NCOA7: variants seen among roughly 807,000 people sequenced by gnomAD.
NCOA7 encodes the protein nuclear receptor coactivator 7, also known as 140 kDa estrogen receptor-associated protein.
Under a neutral mutation model 104.3 loss-of-function variants are expected in NCOA7, and 45 were observed. That is an observed-to-expected ratio of 0.43 (90% CI 0.34 to 0.55). NCOA7 has a LOEUF of 0.55. Ranked by LOEUF, NCOA7 falls within the 20% of genes least tolerant of loss-of-function variation. The probability of loss-of-function intolerance (pLI) is 0.02; values close to 1 mark genes in which losing one functional copy is unlikely to be tolerated. For synonymous variants in NCOA7, 398 were observed against 402.3 expected (o/e 0.99, Z 0.13); for missense variants, 1,041 against 1,119.7 (o/e 0.93, Z 1.00).
Position 125,901,541 on chromosome 6 carries a change from C to G in NCOA7, c.2096+10731C>G, listed in dbSNP as rs181619140. 7.0e-4 allele frequency among the ~76,000 whole-genome samples: 107 copies of G among 152,310 alleles called. No homozygotes were observed. The East Asian group carries it at 0.014, about 20-fold the overall frequency. On this transcript the variant is annotated intron_variant, in intron 10 of 15. Transcript: ENST00000392477. The stretch of plus-strand genomic sequence containing the variant: ...GCACGCAGGTGAGTGGGTACAGGAG[C>G]TGGGGCGGGTGCCTTTGGGCACCAG...
chr6:125,801,981 T>A (rs972152332), intron 1 of NCOA7, among the ~76,000 whole-genome samples: 2 of 152,318 alleles, frequency 1.3e-5, no homozygotes, highest in African/African-American at 4.8e-5. Flanking sequence ...ATGCACAATG[T>A]CTTGTCAAAT....
chr6:125,882,629 G>T, intron 7 of NCOA7, 78 bp downstream of exon 7: 1 of 1,524,344 alleles, frequency 6.6e-7, no homozygotes, highest in Middle Eastern at 2.2e-4. Context: ...CTGGAACAGA[G>T]GCTACATTAA....
Position 125,881,089 on chromosome 6 carries a change from G to A in NCOA7, c.460-1G>A. 6.2e-7 allele frequency: 1 copy of A among 1,608,582 alleles called. No individual in the cohort carries two copies. The highest frequency in any genetic ancestry group is 8.5e-7 in the Non-Finnish European group (1 of 1,175,164). On this transcript the variant is annotated splice_acceptor_variant, in intron 5 of 15. Coordinates refer to ENST00000392477, the MANE Select transcript of NCOA7 (RefSeq NM_181782.5). LOFTEE classifies it high-confidence loss of function. The stretch of plus-strand genomic sequence containing the variant: ...ACCCATCTGTTCTCTCCCATTCTCA[G>A]GTCCTTTTTGTGCCAGATGCCAACT...
intron 3 of NCOA7, among the ~76,000 whole-genome samples, chr6:125,867,099 T>C (rs9942482): frequency 0.052 from 7,863 of 152,304 alleles, 580 homozygotes; most frequent in African/African-American, 0.16. Flanking sequence ...TGTCTTGTTA[T>C]ATTTATTCCT....
At chr6:125,802,796 T>C (rs1776026697) in intron 1 of NCOA7, among the ~76,000 whole-genome samples, 1 of 152,232 alleles carries the variant, frequency 6.6e-6, no homozygotes, top group African/African-American at 2.4e-5. Context: ...ACGTATACCA[T>C]AGACTTGATT....
intron 1 of NCOA7, among the ~76,000 whole-genome samples, chr6:125,814,975 A>T (rs1777447885): frequency 6.6e-6 from 1 of 152,220 alleles, no homozygotes. Flanking sequence ...AATAATTAGC[A>T]TCTACATAGT....
At chr6:125,877,540 C>T (rs1293490133) in intron 4 of NCOA7, among the ~76,000 whole-genome samples, 1 of 152,148 alleles carries the variant, frequency 6.6e-6, no homozygotes, top group African/African-American at 2.4e-5. Context: ...CTGGGTAGAG[C>T]TGTTTTCCTG....
At chr6:125,835,741 A>T (rs983030600) in intron 2 of NCOA7, among the ~76,000 whole-genome samples, 5 of 152,192 alleles carry the variant, frequency 3.3e-5, no homozygotes, top group Admixed American at 6.5e-5. Context: ...GCCCACATAA[A>T]GATGTCCTTC....
chr6:125,867,960 G>T (rs1782577478), intron 3 of NCOA7, among the ~76,000 whole-genome samples: 1 of 152,188 alleles, frequency 6.6e-6, no homozygotes, highest in East Asian at 1.9e-4. Context: ...AGACCTGGAA[G>T]TGACATCGTG....
intron 2 of NCOA7, among the ~76,000 whole-genome samples, chr6:125,819,874 T>C (rs1778004877): frequency 6.6e-6 from 1 of 152,220 alleles, no homozygotes; most frequent in African/African-American, 2.4e-5. Flanking sequence ...TTGAAGATTC[T>C]TTGAAAGCAT....
chr6:125,914,371 G>A (rs1219190527), intron 10 of NCOA7, among the ~76,000 whole-genome samples: 6 of 152,120 alleles, frequency 3.9e-5, no homozygotes, highest in Non-Finnish European at 8.8e-5. Context: ...CTGTATAAAC[G>A]ATGTACACTT....
chr6:125,827,068 A>C (rs1358720132), intron 2 of NCOA7, among the ~76,000 whole-genome samples: 1 of 151,848 alleles, frequency 6.6e-6, no homozygotes, highest in Non-Finnish European at 1.5e-5. Flanking sequence ...GTAGTGGCGC[A>C]CACCTGTAAT....
At chr6:125,832,416 T>C (rs1015378628) in intron 2 of NCOA7, among the ~76,000 whole-genome samples, 1 of 152,256 alleles carries the variant, frequency 6.6e-6, no homozygotes, top group Non-Finnish European at 1.5e-5. Flanking sequence ...CTTTACTCTC[T>C]TTTAACTACT....
intron 10 of NCOA7, among the ~76,000 whole-genome samples, chr6:125,892,991 A>C (rs896000617): frequency 6.6e-6 from 1 of 152,200 alleles, no homozygotes; most frequent in Non-Finnish European, 1.5e-5. Context: ...AAGCAGTCCC[A>C]TGGTTAATTC....
chr6:125,792,484 G>A (rs552583195), intron 1 of NCOA7, among the ~76,000 whole-genome samples: 27 of 152,238 alleles, frequency 1.8e-4, no homozygotes, highest in Admixed American at 7.2e-4. Flanking sequence ...TGTAAGTTAC[G>A]CCAGAGGAAA....
intron 1 of NCOA7, among the ~76,000 whole-genome samples, chr6:125,808,779 G>A (rs548114357): frequency 2.6e-4 from 39 of 152,298 alleles, no homozygotes; most frequent in Middle Eastern, 6.8e-3. Context: ...AATCTCATTT[G>A]CATGTTCTTT....
chr6:125,869,904 T>G (rs1415428264), intron 3 of NCOA7, among the ~76,000 whole-genome samples: 1 of 152,220 alleles, frequency 6.6e-6, no homozygotes, highest in Non-Finnish European at 1.5e-5. Flanking sequence ...TGTAAAATAA[T>G]AAATCTGTGT....
At chr6:125,831,289 C>A (rs757402755) in intron 2 of NCOA7, among the ~76,000 whole-genome samples, 1 of 151,960 alleles carries the variant, frequency 6.6e-6, no homozygotes, top group Non-Finnish European at 1.5e-5. Flanking sequence ...TCTAGCCCAA[C>A]CAAAAAAGAT....
In NCOA7 at chr6:125,813,574, C is replaced by T. The variant is rs182418325; in HGVS notation, c.-64-1717C>T. The stretch of plus-strand genomic sequence containing the variant: ...TCAAATGATTCTCCTGCCTCAGCCT[C>T]CCAAGTGCTGGGATTACAGGCACCT... On this transcript the variant is annotated intron_variant, in intron 1 of 15. Transcript: ENST00000392477. Among the ~76,000 whole-genome samples the T allele has an allele frequency of 3.1e-3, 466 of 151,946 alleles. 3 individuals carry two copies. The highest frequency in any genetic ancestry group is 0.01 in the Middle Eastern group (3 of 294).
Sources: gnomAD v4.1 joint callset for allele counts (sites outside exome capture counted in the v4.1 genomes callset) on GRCh38, gnomAD v4.1.1 for gene constraint, MANE v1.5 for transcripts, NCBI Gene and HGNC (gene_info 2026-07-23, HGNC 2026-07-21) for gene names.